NLK: variants seen among roughly 807,000 people sequenced by gnomAD.
The protein encoded by NLK is serine/threonine-protein kinase NLK.
NLK carries 11 observed loss-of-function variants against 59.0 expected under a neutral mutation model. The ratio of observed to expected loss-of-function variants is 0.19; its 90% confidence interval spans 0.12 to 0.31. NLK has a LOEUF of 0.31. Among genes scored for constraint, NLK ranks in the 10% least tolerant of loss-of-function variants. NLK has a pLI of 1.00. For missense variants in NLK, 410 were observed against 661.1 expected (o/e 0.62, Z 4.16); for synonymous variants, 235 against 235.9 (o/e 1.00, Z 0.03).
intron 1 of NLK, among the ~76,000 whole-genome samples, chr17:28,108,223 T>TA (rs1323985609): frequency 1.3e-5 from 2 of 151,338 alleles, no homozygotes; most frequent in African/African-American, 2.4e-5. Context: ...TACTCTGTCT[T>TA]AAAAAAAAAT....
At chr17:28,071,740 G>T (rs989960697) in intron 1 of NLK, among the ~76,000 whole-genome samples, 1 of 152,152 alleles carries the variant, frequency 6.6e-6, no homozygotes, top group Non-Finnish European at 1.5e-5. Context: ...CTACGTGAAG[G>T]CTTCATCAGA....
intron 5 of NLK, among the ~76,000 whole-genome samples, chr17:28,165,901 G>A (rs1908207445): frequency 6.6e-6 from 1 of 152,162 alleles, no homozygotes; most frequent in African/African-American, 2.4e-5. Flanking sequence ...TCATGGCCAA[G>A]TAATAGAGTT....
chr17:28,183,069 A>T (rs1246075280), intron 7 of NLK, among the ~76,000 whole-genome samples: 3 of 152,232 alleles, frequency 2.0e-5, no homozygotes, highest in African/African-American at 7.2e-5. Flanking sequence ...AAAAGGATTT[A>T]GAGAAGCTGG....
chr17:28,146,674 C>A (rs4795351), intron 3 of NLK, among the ~76,000 whole-genome samples: 86,158 of 151,988 alleles, frequency 0.57, 25,001 homozygotes, highest in East Asian at 0.65. Flanking sequence ...CCTGTTAACT[C>A]CTTATTTTAA....
At position 28,164,369 on chromosome 17, in the gene NLK, CAAAAAAAAAA is replaced by C. The variant is rs962344405; in HGVS notation, c.837+751_837+760del. Among the ~76,000 whole-genome samples the C allele has an allele frequency of 1.0e-3, 64 of 61,432 alleles. 2 individuals carry two copies. The South Asian group carries it at 0.02, about 19-fold the overall frequency. The allele number at this position is 61,432 out of a possible 152,430, so 40.3% of individuals were successfully genotyped here. On this transcript the variant is annotated intron_variant, in intron 5 of 10. Transcript: ENST00000407008. ...TAGGTGACAGAGTGAGACCCTGTCTCAAAAAAAAAAAAAAAAAAAGTGAAAATGCCAAACC... is the reference window on the plus strand; with the variant it reads ...TAGGTGACAGAGTGAGACCCTGTCTCAAAAAAAAAGTGAAAATGCCAAACC...
chr17:28,074,938 C>T (rs1910120433), intron 1 of NLK, among the ~76,000 whole-genome samples: 2 of 152,130 alleles, frequency 1.3e-5, no homozygotes, highest in Admixed American at 6.5e-5. Context: ...AACAAGCTGG[C>T]GTATTTCACT....
chr17:28,193,244 A>G (rs1402212000), intron 10 of NLK, among the ~76,000 whole-genome samples: 1 of 152,202 alleles, frequency 6.6e-6, no homozygotes, highest in African/African-American at 2.4e-5. Flanking sequence ...GAGAGTAAAC[A>G]AGAAAGGAAT....
chr17:28,113,194 A>ATGGTGTATCACAAAGTGCACACCTC (rs1434226369), intron 1 of NLK, among the ~76,000 whole-genome samples: 3 of 152,202 alleles, frequency 2.0e-5, no homozygotes, highest in Non-Finnish European at 4.4e-5. Context: ...GTATAACTCA[A>ATGGTGTATCACAAAGTGCACACCTC]TGGTGTATCA....
intron 1 of NLK, among the ~76,000 whole-genome samples, chr17:28,056,509 T>C (rs1031712802): frequency 7.9e-5 from 12 of 152,100 alleles, no homozygotes; most frequent in African/African-American, 2.9e-4. Context: ...AAATAAAAAA[T>C]GAAAACTCTA....
rs144937271 is a variant in NLK at position 28,096,130 on chromosome 17, A to T, written c.459-26473A>T. Among the ~76,000 whole-genome samples the T allele has an allele frequency of 5.2e-4, 79 of 152,326 alleles. 3 individuals are homozygous for T. The East Asian group carries it at 8.5e-3, about 16-fold the overall frequency. On this transcript the variant is annotated intron_variant, in intron 1 of 10. Coordinates refer to ENST00000407008, the MANE Select transcript of NLK (RefSeq NM_016231.5). ...AGGCATTCTTTTATAGGTCAAGGAT[A>T]TACTTATTTTGAAAACGTTGAAAAA...
chr17:28,169,688 C>CTCTG lies in NLK; in HGVS notation c.1047+1033_1047+1036dup, dbSNP rs376712841. ...TTAAATCTTGGGTAAGTTACTTAAC[C>CTCTG]TCTGTGTTCCTTTTTTTTTGCTGCT... On this transcript the variant is annotated intron_variant, in intron 6 of 10. Transcript: ENST00000407008. Among the ~76,000 whole-genome samples, 981 of 150,250 alleles carry CTCTG rather than the reference C, an allele frequency of 6.5e-3. 15 individuals carry two copies. The highest frequency in any genetic ancestry group is 0.023 in the African/African-American group (916 of 40,642).
intron 1 of NLK, among the ~76,000 whole-genome samples, chr17:28,079,473 G>A (rs936465011): frequency 8.5e-5 from 13 of 152,214 alleles, no homozygotes; most frequent in East Asian, 5.8e-4. Flanking sequence ...ATTTATATTC[G>A]CACCAGCAGT....
intron 7 of NLK, among the ~76,000 whole-genome samples, chr17:28,177,778 T>C (rs1003093012): frequency 1.3e-5 from 2 of 152,230 alleles, no homozygotes; most frequent in Admixed American, 1.3e-4. Context: ...AGATACATGT[T>C]TTCCTCATAT....
chr17:28,147,433 A>G (rs1031037391), intron 3 of NLK, among the ~76,000 whole-genome samples: 3 of 152,168 alleles, frequency 2.0e-5, no homozygotes, highest in Admixed American at 6.5e-5. Context: ...ATTATTATGC[A>G]TTCTTAAATT....
chr17:28,197,108 T>C (rs150487729), downstream of NLK, among the ~76,000 whole-genome samples: 793 of 152,274 alleles, frequency 5.2e-3, 13 homozygotes, highest in African/African-American at 0.018. Flanking sequence ...ATATCACCAA[T>C]GCTTAGATAA....
chr17:28,057,292 G>A (rs572642397), intron 1 of NLK, among the ~76,000 whole-genome samples: 9 of 152,244 alleles, frequency 5.9e-5, no homozygotes, highest in Admixed American at 2.0e-4. Flanking sequence ...CAGAATTTGC[G>A]GAGGTTGGGT....
chr17:28,199,727 TATAAC>T (rs1909582326), downstream of NLK, among the ~76,000 whole-genome samples: 5 of 91,358 alleles, frequency 5.5e-5, no homozygotes, highest in South Asian at 3.3e-4. Flanking sequence ...AACCAGGAAA[TATAAC>T]AGCCACTAAA....
intron 7 of NLK, among the ~76,000 whole-genome samples, chr17:28,180,511 AG>A (rs767984947): frequency 2.0e-4 from 31 of 152,242 alleles, no homozygotes; most frequent in Non-Finnish European, 4.1e-4. Flanking sequence ...GTACTGGTGC[AG>A]TTTAACAGAT....
chr17:28,135,430 G>A (rs1462040924), intron 3 of NLK, among the ~76,000 whole-genome samples: 4 of 152,150 alleles, frequency 2.6e-5, no homozygotes, highest in South Asian at 2.1e-4. Context: ...CTAATATGGC[G>A]TAGCCCAAGG....
Sources: allele counts gnomAD v4.1 joint callset (sites outside exome capture counted in the v4.1 genomes callset), GRCh38; gene constraint gnomAD v4.1.1; transcripts MANE v1.5; gene names NCBI Gene and HGNC (gene_info 2026-07-23, HGNC 2026-07-21).